The following TEX9 variants were observed in gnomAD, a reference collection of about 807,000 sequenced individuals.
TEX9 encodes testis expressed 9.
In TEX9, 74 loss-of-function variants were observed where a neutral mutation model predicts 59.6. The observed-to-expected ratio is 1.24, with a 90% confidence interval of 1.03 to 1.51. The LOEUF is 1.51. TEX9 is among the 40% of genes most tolerant of loss of function. The pLI, the probability that TEX9 is intolerant of heterozygous loss-of-function variation, is 0.00. For missense variants in TEX9, 522 were observed against 447.8 expected (o/e 1.17, Z -1.49); for synonymous variants, 186 against 152.2 (o/e 1.22, Z -1.64).
chr15:56,255,244 A>G (rs1350408955), intron 1 of TEX9, among the ~76,000 whole-genome samples: 1 of 152,272 alleles, frequency 6.6e-6, no homozygotes, highest in South Asian at 2.1e-4. Context: ...AAGACTTTAC[A>G]AAAGCAGGGG....
intron 12 of TEX9, chr15:56,443,659 T>G (rs1355670684): frequency 1.2e-6 from 2 of 1,612,858 alleles, no homozygotes; most frequent in Non-Finnish European, 1.7e-6. Flanking sequence ...GCTGTAGCCT[T>G]TTCTCCTCAT....
intron 1 of TEX9, among the ~76,000 whole-genome samples, chr15:56,350,118 G>C (rs1256190405): frequency 6.6e-6 from 1 of 152,032 alleles, no homozygotes; most frequent in African/African-American, 2.4e-5. Flanking sequence ...TCAAGAATCT[G>C]AGCCCAGGCA....
In TEX9 at chr15:56,391,833, A is replaced by G. The variant is rs1034520934; in HGVS notation, c.571+415A>G. Among the ~76,000 whole-genome samples, 6 of 152,254 alleles carry G rather than the reference A, an allele frequency of 3.9e-5. No homozygotes were observed. In the South Asian group the frequency reaches 8.3e-4, roughly 21 times the overall value. ...ACTGTTAATATATTTTATTTATTGC[A>G]TGTTAAATCAACACATGCAAAAGGA... is the stretch of plus-strand genomic sequence containing the variant. On this transcript the variant is annotated intron_variant, in intron 7 of 12. Transcript: ENST00000352903.
chr15:56,286,391 A>G (rs1188180136), intron 1 of TEX9, among the ~76,000 whole-genome samples: 1 of 152,190 alleles, frequency 6.6e-6, no homozygotes, highest in Non-Finnish European at 1.5e-5. Context: ...GGGTCCAGAG[A>G]TGAGGCACTG....
intron 9 of TEX9, chr15:56,396,566 CTGT>C (rs2048479200): frequency 1.6e-5 from 1 of 60,848 alleles, no homozygotes; most frequent in Non-Finnish European, 3.1e-5. Flanking sequence ...ACTTTTGAAT[CTGT>C]TTTTTTTTTT....
chr15:56,342,456 T>A (rs1455206992), intron 1 of TEX9, among the ~76,000 whole-genome samples: 1 of 151,806 alleles, frequency 6.6e-6, no homozygotes, highest in Non-Finnish European at 1.5e-5. Context: ...GAAACTTCTA[T>A]CAACCTGTGT....
At chr15:56,312,070 A>C (rs1328146856) in intron 1 of TEX9, among the ~76,000 whole-genome samples, 1 of 151,054 alleles carries the variant, frequency 6.6e-6, no homozygotes, top group African/African-American at 2.4e-5. Flanking sequence ...GTAGGTTGCG[A>C]AAATTTTCTC....
At chr15:56,390,756 T>C (rs1358453167) in intron 6 of TEX9, among the ~76,000 whole-genome samples, 1 of 152,130 alleles carries the variant, frequency 6.6e-6, no homozygotes, top group Admixed American at 6.6e-5. Context: ...TCTGTAATTC[T>C]TTCTCAAGGG....
chr15:56,312,162 G>C (rs1407646109), intron 1 of TEX9, among the ~76,000 whole-genome samples: 1 of 148,522 alleles, frequency 6.7e-6, no homozygotes, highest in African/African-American at 2.4e-5. Context: ...CATCCCATTT[G>C]TCAATTTTGT....
chr15:56,290,694 A>G (rs1487337516), intron 1 of TEX9, among the ~76,000 whole-genome samples: 2 of 151,888 alleles, frequency 1.3e-5, no homozygotes, highest in African/African-American at 4.8e-5. Flanking sequence ...GGCTCAGGTG[A>G]TACCCCAACC....
At chr15:56,259,591 G>A (rs2044218905) in intron 1 of TEX9, among the ~76,000 whole-genome samples, 1 of 151,816 alleles carries the variant, frequency 6.6e-6, no homozygotes, top group Admixed American at 6.6e-5. Flanking sequence ...CTCCCTTTTG[G>A]TATACGTATC....
chr15:56,337,026 G>T (rs115534928), intron 1 of TEX9, among the ~76,000 whole-genome samples: 4 of 152,146 alleles, frequency 2.6e-5, no homozygotes, highest in African/African-American at 9.7e-5. Context: ...CGCTTGTACA[G>T]CTTGTATCCT....
chr15:56,412,296 A>C lies in TEX9; in HGVS notation c.829-6A>C, dbSNP rs368540573. On this transcript the variant is annotated splice_region_variant and splice_polypyrimidine_tract_variant and intron_variant, in intron 9 of 12. Coordinates refer to ENST00000352903, the Ensembl canonical transcript of TEX9. ...TAAATGTTCCATAATCTTTTTTACT[A>C]TACAGGAATTAGAAAATAAAAGAAG... 2 of 1,597,944 alleles carry C rather than the reference A, an allele frequency of 1.3e-6. No homozygotes were observed. Among genetic ancestry groups the C allele is most frequent in the Non-Finnish European group, 1.7e-6 (2 of 1,175,270 alleles).
rs368421849 is a variant in TEX9 at position 56,383,202 on chromosome 15, C to T, written c.184-750C>T. On this transcript the variant is annotated intron_variant, in intron 3 of 12. Coordinates refer to ENST00000352903, the Ensembl canonical transcript of TEX9. The stretch of plus-strand genomic sequence containing the variant: ...CAGCACTGAGTTCAATGCACAGTCG[C>T]CCAGTCACTGTGCTGTCCCTCCCCT... 2.0e-5 allele frequency among the ~76,000 whole-genome samples: 3 copies of T among 152,330 alleles called. No individual in the cohort carries two copies. The East Asian group carries it at 5.8e-4, about 29-fold the overall frequency.
chr15:56,406,205 G>A (rs918140671), intron 9 of TEX9, among the ~76,000 whole-genome samples: 14 of 152,002 alleles, frequency 9.2e-5, no homozygotes, highest in African/African-American at 2.2e-4. Context: ...AAATGAAATC[G>A]TGAATATGGA....
intron 12 of TEX9, among the ~76,000 whole-genome samples, chr15:56,430,524 A>C (rs2050559143): frequency 6.6e-6 from 1 of 152,142 alleles, no homozygotes; most frequent in Non-Finnish European, 1.5e-5. Flanking sequence ...TTTTATTTGA[A>C]GTCACAGTGT....
At chr15:56,389,813 C>T (rs1278663895) in intron 6 of TEX9, among the ~76,000 whole-genome samples, 9 of 151,726 alleles carry the variant, frequency 5.9e-5, no homozygotes, top group African/African-American at 2.2e-4. Context: ...TTGGCATGCT[C>T]TAAATAGGAC....
intron 9 of TEX9, chr15:56,396,571 T>TTG (rs2048481066): frequency 6.6e-6 from 1 of 150,738 alleles, no homozygotes; most frequent in African/African-American, 2.4e-5. Flanking sequence ...TGAATCTGTT[T>TTG]TTTTTTTTTT....
At chr15:56,316,027 T>A (rs1293107070) in intron 1 of TEX9, among the ~76,000 whole-genome samples, 3 of 151,042 alleles carry the variant, frequency 2.0e-5, no homozygotes, top group Non-Finnish European at 4.4e-5. Flanking sequence ...CTTCTCTGTA[T>A]TGGTTATTCT....
Sources: gnomAD v4.1 joint callset for allele counts (sites outside exome capture counted in the v4.1 genomes callset) on GRCh38, gnomAD v4.1.1 for gene constraint, MANE v1.5 for transcripts, NCBI Gene and HGNC (gene_info 2026-07-23, HGNC 2026-07-21) for gene names.